PIK3CG: variants seen among roughly 807,000 people sequenced by gnomAD.
PIK3CG encodes phosphatidylinositol 4,5-bisphosphate 3-kinase catalytic subunit gamma isoform.
PIK3CG carries 55 observed loss-of-function variants against 102.3 expected under a neutral mutation model. The ratio of observed to expected loss-of-function variants is 0.54; its 90% CI spans 0.43 to 0.67. The LOEUF (loss-of-function observed/expected upper bound fraction) is 0.67, where lower values mean the gene tolerates loss of function less well. PIK3CG is among the 30% of genes least tolerant of loss of function. The pLI is 0.00. For missense variants in PIK3CG, 1,258 were observed against 1,391.8 expected (o/e 0.90, Z 1.53); for synonymous variants, 552 against 540.0 (o/e 1.02, Z -0.31).
chr7:106,901,989 C>G (rs982221672), intron 10 of PIK3CG, among the ~76,000 whole-genome samples: 3 of 152,156 alleles, frequency 2.0e-5, no homozygotes, highest in Non-Finnish European at 2.9e-5. Flanking sequence ...GGGTTTCTCT[C>G]CCCCTTGAGT....
chr7:106,893,879 A>G lies in PIK3CG; in HGVS notation c.3030+7587A>G, dbSNP rs1362514086. 3.3e-5 allele frequency among the ~76,000 whole-genome samples: 5 copies of G among 152,176 alleles called. No individual in the cohort carries two copies. The highest frequency in any genetic ancestry group is 7.2e-5 in the African/African-American group (3 of 41,436). ...ACACCTAGGCTATATGATATAGCCT[A>G]TTGCTCCCAGGCTCCAAACCTGTAC... On this transcript the variant is annotated intron_variant, in intron 10 of 10. Transcript: ENST00000496166. The surrounding 1 kb of genome is among the most constrained non-coding windows in gnomAD (Gnocchi z 4.4).
chr7:106,888,181 C>T (rs1791161461), intron 10 of PIK3CG, among the ~76,000 whole-genome samples: 1 of 151,978 alleles, frequency 6.6e-6, no homozygotes, highest in South Asian at 2.1e-4. Flanking sequence ...CCTTGTGATC[C>T]GCCTGCCTCG....
At chr7:106,875,701 T>G (rs895321991) in intron 5 of PIK3CG, among the ~76,000 whole-genome samples, 2 of 152,216 alleles carry the variant, frequency 1.3e-5, no homozygotes, top group Admixed American at 6.5e-5. Flanking sequence ...TAGTAGTCCC[T>G]TGTATGGATA....
Position 106,890,156 on chromosome 7 carries a change from T to C in PIK3CG, c.3030+3864T>C, listed in dbSNP as rs991095825. ...AAATTTGGCTTCTAAGTTTTTTAAA[T>C]GTCAGAATGTGTTTTTTATTGTTCT... is the stretch of plus-strand genomic sequence containing the variant. On this transcript the variant is annotated intron_variant, in intron 10 of 10. Transcript: ENST00000496166. The surrounding 1 kb of genome is among the most constrained non-coding windows in gnomAD (Gnocchi z 4.2). Among the ~76,000 whole-genome samples, 1 of 152,240 alleles carries C rather than the reference T, an allele frequency of 6.6e-6. No individual in the cohort carries two copies. Among genetic ancestry groups the C allele is most frequent in the African/African-American group, 2.4e-5 (1 of 41,474 alleles).
rs556885160 is a variant in PIK3CG at position 106,905,857 on chromosome 7, T to G, written c.*470T>G. 1 of 242,964 alleles carries G rather than the reference T, an allele frequency of 4.1e-6. No individual in the cohort carries two copies. Among genetic ancestry groups the G allele is most frequent in the Non-Finnish European group, 8.0e-6 (1 of 124,398 alleles). The allele number at this position is 242,964 out of a possible 1,614,324, so 15.1% of individuals were successfully genotyped here. On this transcript the variant is annotated 3_prime_UTR_variant, in exon 11 of 11. Coordinates refer to ENST00000496166, the MANE Select transcript of PIK3CG (RefSeq NM_001282426.2). The surrounding 1 kb of genome is among the most constrained non-coding windows in gnomAD (Gnocchi z 5.6). ...ATTCCTTAAATGATGCTTCCAAACA[T>G]CTCCTTAGTGTCTGCAGGTGTTAGT... is the stretch of plus-strand genomic sequence containing the variant.
In PIK3CG at chr7:106,874,746, A is replaced by G. The variant is rs751372931; in HGVS notation, c.2334A>G (p.Gln778=). Residue 778 remains glutamine, a synonymous_variant, in exon 5 of 11, where the codon CAA becomes CAG. Transcript: ENST00000496166. This position sits in a 1 kb window ranked among gnomAD's most constrained non-coding sequence, Gnocchi z 4.3. ...KQKLENLQNS[Q]LPESFRVPYD... is the part of the protein sequence containing the mutation. Reference sequence around the variant, plus strand: ...AGCTTGAAAACCTGCAGAATTCTCAACTCCCCGAAAGCTTTAGAGTTCCAT... The same window carrying G: ...AGCTTGAAAACCTGCAGAATTCTCAGCTCCCCGAAAGCTTTAGAGTTCCAT... 2 of 1,613,894 alleles carry G rather than the reference A, an allele frequency of 1.2e-6. No individual in the cohort carries two copies. The highest frequency in any genetic ancestry group is 1.7e-6 in the Non-Finnish European group (2 of 1,179,978).
Position 106,885,984 on chromosome 7 carries a change from A to C in PIK3CG, c.2873-151A>C. On this transcript the variant is annotated intron_variant, in intron 9 of 10. Transcript: ENST00000496166. Reference sequence around the variant, plus strand: ...TGTTTTGTGGCTACGACTTTCACACACCTGCTAAGACGAAAAATATCACAA... The same window carrying C: ...TGTTTTGTGGCTACGACTTTCACACCCCTGCTAAGACGAAAAATATCACAA... The C allele has an allele frequency of 4.6e-6, 3 of 650,710 alleles. No homozygotes were observed. In the South Asian group the frequency reaches 7.3e-5, roughly 16 times the overall value. The allele number at this position is 650,710 out of a possible 1,614,324, so 40.3% of individuals were successfully genotyped here. A position where few individuals can be genotyped will look rare whatever the true frequency, so the allele number is the denominator to read the frequency against.
Position 106,890,205 on chromosome 7 carries a change from G to A in PIK3CG, c.3030+3913G>A, listed in dbSNP as rs777172769. On this transcript the variant is annotated intron_variant, in intron 10 of 10. Coordinates refer to ENST00000496166, the MANE Select transcript of PIK3CG (RefSeq NM_001282426.2). The surrounding 1 kb of genome is among the most constrained non-coding windows in gnomAD (Gnocchi z 4.2). ...CTCGTTGTTTTGTTTTGTTTGAGACGGAGTCTCTCTCTGTTGCCCAGGCTG... is the reference window on the plus strand; with the variant it reads ...CTCGTTGTTTTGTTTTGTTTGAGACAGAGTCTCTCTCTGTTGCCCAGGCTG... Among the ~76,000 whole-genome samples, 5 of 152,134 alleles carry A rather than the reference G, an allele frequency of 3.3e-5. No individual in the cohort carries two copies. Among genetic ancestry groups the A allele is most frequent in the Non-Finnish European group, 4.4e-5 (3 of 68,022 alleles).
At chr7:106,866,966 T>G (rs1217639923) in intron 1 of PIK3CG, among the ~76,000 whole-genome samples, 2 of 152,126 alleles carry the variant, frequency 1.3e-5, no homozygotes, top group Non-Finnish European at 2.9e-5. Flanking sequence ...CCAAGAAGTG[T>G]GAGACTTAAC....
In PIK3CG at chr7:106,895,471, C is replaced by A. The variant is rs1791384093; in HGVS notation, c.3030+9179C>A. Among the ~76,000 whole-genome samples the A allele has an allele frequency of 6.6e-6, 1 of 152,198 alleles. No individual in the cohort carries two copies. The highest frequency in any genetic ancestry group is 6.5e-5 in the Admixed American group (1 of 15,278). ...CTGAGCGGGCAGGGCAGGTGCTCGG[C>A]TGTGCCCCCCAGGGTGAGAGAACCA... On this transcript the variant is annotated intron_variant, in intron 10 of 10. Transcript: ENST00000496166. This position sits in a 1 kb window ranked among gnomAD's most constrained non-coding sequence, Gnocchi z 5.4.
chr7:106,869,185 C>A lies in PIK3CG; in HGVS notation c.1624C>A (p.Arg542=), dbSNP rs774334457. 2 of 1,614,204 alleles carry A rather than the reference C, an allele frequency of 1.2e-6. No homozygotes were observed. Among genetic ancestry groups the A allele is most frequent in the Non-Finnish European group, 1.7e-6 (2 of 1,180,042 alleles). ...GCCCACCCCTGACCCGGAAGGGGAC[C>A]GGGTTCGAGCAGAAATGCCCAACCA... The part of the protein sequence containing the change: ...HQPTPDPEGD[R]VRAEMPNQLR... Residue 542 remains arginine (R), a synonymous_variant, in exon 2 of 11, where the codon CGG becomes AGG. Coordinates refer to ENST00000496166, the MANE Select transcript of PIK3CG (RefSeq NM_001282426.2). This position sits in a 1 kb window ranked among gnomAD's most constrained non-coding sequence, Gnocchi z 5.3.
Position 106,906,831 on chromosome 7 carries a change from C to CTTT in PIK3CG, c.*1459_*1461dup, listed in dbSNP as rs571080689. ...GACTTTGAGGTAGTCCAGACCTTTT[C>CTTT]TTTTTTTTTTTTTTTTTAATGTGTG... On this transcript the variant is annotated 3_prime_UTR_variant, in exon 11 of 11. Transcript: ENST00000496166. 74 of 181,226 alleles carry CTTT rather than the reference C, an allele frequency of 4.1e-4. No individual in the cohort carries two copies. Among genetic ancestry groups the CTTT allele is most frequent in the East Asian group, 6.3e-4 (8 of 12,784 alleles). The allele number at this position is 181,226 out of a possible 1,614,324, so 11.2% of individuals were successfully genotyped here.
Position 106,872,044 on chromosome 7 carries a change from T to G in PIK3CG, c.1996-493T>G, listed in dbSNP as rs1183750933. On this transcript the variant is annotated intron_variant, in intron 2 of 10. Transcript: ENST00000496166. This position sits in a 1 kb window ranked among gnomAD's most constrained non-coding sequence, Gnocchi z 5.3. ...ACAGTTCAGTGACTTGCCAGTGAGATGCCGAAAAGGGAAGCTATAGGGCTT... is the reference window on the plus strand; with the variant it reads ...ACAGTTCAGTGACTTGCCAGTGAGAGGCCGAAAAGGGAAGCTATAGGGCTT... 6.6e-6 allele frequency among the ~76,000 whole-genome samples: 1 copy of G among 152,222 alleles called. No individual in the cohort carries two copies. Among genetic ancestry groups the G allele is most frequent in the Non-Finnish European group, 1.5e-5 (1 of 68,042 alleles).
chr7:106,895,700 T>C lies in PIK3CG; in HGVS notation c.3030+9408T>C, dbSNP rs1791390592. Among the ~76,000 whole-genome samples the C allele has an allele frequency of 6.6e-6, 1 of 152,226 alleles. No individual in the cohort carries two copies. The highest frequency in any genetic ancestry group is 1.5e-5 in the Non-Finnish European group (1 of 68,034). ...CCCTTAGCGTTGAACAGTATGTGTA[T>C]TCAATAATGCAGCTCCTCGTGGTAT... On this transcript the variant is annotated intron_variant, in intron 10 of 10. Transcript: ENST00000496166. This position sits in a 1 kb window ranked among gnomAD's most constrained non-coding sequence, Gnocchi z 5.4.
chr7:106,905,501 G>A lies in PIK3CG; in HGVS notation c.*114G>A. 1.0e-6 allele frequency: 1 copy of A among 969,446 alleles called. No homozygotes were observed. Among genetic ancestry groups the A allele is most frequent in the East Asian group, 2.5e-5 (1 of 40,430 alleles). 60.1% of individuals were successfully genotyped at this position (969,446 alleles called of 1,614,324 possible). The stretch of plus-strand genomic sequence containing the variant: ...CATTGTGAAAGCTGGCATTTCAGAA[G>A]TATAGCTCTTTTCCTACCTGAACTC... On this transcript the variant is annotated 3_prime_UTR_variant, in exon 11 of 11. Coordinates refer to ENST00000496166, the MANE Select transcript of PIK3CG (RefSeq NM_001282426.2). The surrounding 1 kb of genome is among the most constrained non-coding windows in gnomAD (Gnocchi z 5.6).
At position 106,869,702 on chromosome 7, in the gene PIK3CG, AAGT is replaced by A. The variant is rs1166322172; in HGVS notation, c.1995+151_1995+153del. ...GTAGATATGATGAAGCTGCCTCAAA[AAGT>A]AGTAAACTGTTCCATGTACATTTTT... On this transcript the variant is annotated intron_variant, in intron 2 of 10. Coordinates refer to ENST00000496166, the MANE Select transcript of PIK3CG (RefSeq NM_001282426.2). The surrounding 1 kb of genome is among the most constrained non-coding windows in gnomAD (Gnocchi z 5.3). 2 of 695,682 alleles carry A rather than the reference AAGT, an allele frequency of 2.9e-6. No homozygotes were observed. Among genetic ancestry groups the A allele is most frequent in the Non-Finnish European group, 4.8e-6 (2 of 421,048 alleles). 43.1% of individuals were successfully genotyped at this position (695,682 alleles called of 1,614,324 possible).
rs769600096 is a variant in PIK3CG at position 106,872,529 on chromosome 7, T to C, written c.1996-8T>C. The C allele has an allele frequency of 6.2e-7, 1 of 1,611,454 alleles. No individual in the cohort carries two copies. The highest frequency in any genetic ancestry group is 8.5e-7 in the Non-Finnish European group (1 of 1,177,492). ...AGTCCTACAAATGCCAATGTGTTCT[T>C]CCTTTAGGCTGTGAAATTTGAACCA... On this transcript the variant is annotated splice_region_variant and splice_polypyrimidine_tract_variant and intron_variant, in intron 2 of 10. Coordinates refer to ENST00000496166, the MANE Select transcript of PIK3CG (RefSeq NM_001282426.2). The surrounding 1 kb of genome is among the most constrained non-coding windows in gnomAD (Gnocchi z 5.3).
In PIK3CG at chr7:106,866,526, T is replaced by C. The variant is rs565876413; in HGVS notation, c.-12-1024T>C. ...TTAGAGCAAAAAAGAAGTTAAATGA[T>C]TGGGGGTCTTAACAGAAGGTCACTG... On this transcript the variant is annotated intron_variant, in intron 1 of 10. Transcript: ENST00000496166. Among the ~76,000 whole-genome samples, 3 of 152,314 alleles carry C rather than the reference T, an allele frequency of 2.0e-5. No homozygotes were observed. The South Asian group carries it at 6.2e-4, about 32-fold the overall frequency.
rs756909457 is a variant in PIK3CG, at chr7:106,908,300, T to C, written c.*2913T>C. ...CCATGAGACCAGCACTGTGTGGGTC[T>C]GAATGATGGCTTTGGTGTTCAGTTT... On this transcript the variant is annotated 3_prime_UTR_variant, in exon 11 of 11. Coordinates refer to ENST00000496166, the MANE Select transcript of PIK3CG (RefSeq NM_001282426.2). The surrounding 1 kb of genome is among the most constrained non-coding windows in gnomAD (Gnocchi z 4.1). 1.6e-4 allele frequency among the ~76,000 whole-genome samples: 25 copies of C among 152,226 alleles called. No individual in the cohort carries two copies. Among genetic ancestry groups the C allele is most frequent in the Non-Finnish European group, 1.5e-4 (10 of 68,040 alleles).
Sources: allele counts gnomAD v4.1 joint callset (sites outside exome capture counted in the v4.1 genomes callset), GRCh38; gene constraint gnomAD v4.1.1; non-coding constraint Gnocchi (gnomAD v3.1); transcripts MANE v1.5; gene names NCBI Gene and HGNC (gene_info 2026-07-23, HGNC 2026-07-21).